The following TPR variants were observed in gnomAD, a reference collection of about 807,000 sequenced individuals.
The protein encoded by TPR is translocated promoter region, nuclear basket protein.
Under a neutral mutation model 316.1 loss-of-function variants are expected in TPR, and 51 were observed. The ratio of observed to expected loss-of-function variants is 0.16; its 90% CI spans 0.13 to 0.20. The LOEUF is 0.20. Among genes scored for constraint, TPR ranks in the 10% least tolerant of loss-of-function variants. TPR has a pLI of 1.00. For synonymous variants in TPR, 981 were observed against 914.7 expected (o/e 1.07, Z -1.31); for missense variants, 2,272 against 2,754.8 (o/e 0.82, Z 3.92).
At position 186,326,065 on chromosome 1, in the gene TPR, T is replaced by C. The variant is rs1320796361; in HGVS notation, c.6021+39A>G. 1.7e-5 allele frequency: 27 copies of C among 1,611,664 alleles called. No individual in the cohort carries two copies. In the Admixed American group the frequency reaches 3.3e-4, roughly 20 times the overall value. On this transcript the variant is annotated intron_variant, in intron 41 of 50. Coordinates refer to ENST00000367478, the MANE Select transcript of TPR (RefSeq NM_003292.3). ...AAAACAGCAAGTGAAAGAAAGCTCA[T>C]AGAAAGAACTATGAATGGTTAAAAT... is the stretch of plus-strand genomic sequence containing the variant.
At chr1:186,326,074 C>G (rs767006678) in intron 41 of TPR, 30 bp downstream of exon 41, 5 of 1,613,106 alleles carry the variant, frequency 3.1e-6, no homozygotes. Flanking sequence ...ATAGAAAGAA[C>G]TATGAATGGT....
At chr1:186,359,650 A>C in intron 12 of TPR, 149 bp downstream of exon 12, 1 of 727,056 alleles carries the variant, frequency 1.4e-6, no homozygotes, top group South Asian at 2.1e-5. Context: ...ACGTTTTGAG[A>C]TCAGCAGTGT....
chr1:186,346,499 G>A (rs1416885638), intron 22 of TPR, among the ~76,000 whole-genome samples: 1 of 152,018 alleles, frequency 6.6e-6, no homozygotes, highest in African/African-American at 2.4e-5. Context: ...TTGGCTACTG[G>A]CCATTTTTCT....
rs771631428 is a variant in TPR, at chr1:186,318,476, A to C, written c.6792T>G (p.Asp2264Glu). 1.2e-6 allele frequency: 2 copies of C among 1,612,548 alleles called. No individual in the cohort carries two copies. Among genetic ancestry groups the C allele is most frequent in the Non-Finnish European group, 1.7e-6 (2 of 1,179,608 alleles). The stretch of plus-strand genomic sequence containing the variant: ...CAGATTCTGCCTCCACAAATACTTC[A>C]TCTCCATCATCACCTGTTGCTGTTT... ...TNETATGDDG[D>E]EVFVEAESEG... The change falls in exon 48 of 51, where the codon GAT becomes GAG. Residue 2264 changes from aspartate to glutamate, a missense_variant. Asp to Glu is a conservative substitution (Grantham distance 45, BLOSUM62 2). Coordinates refer to ENST00000367478, the MANE Select transcript of TPR (RefSeq NM_003292.3).
Position 186,344,048 on chromosome 1 carries a change from T to C in TPR, c.3460A>G (p.Lys1154Glu), listed in dbSNP as rs1380206582. ...KCVCRCEDLEKQNRLLHDQIE... is the reference protein window; with the variant it reads ...KCVCRCEDLEEQNRLLHDQIE... ...TGATCATGAAGTAATCTGTTTTGTTTCTCCAGATCTTCACAGCGACATACA... is the reference window on the plus strand; with the variant it reads ...TGATCATGAAGTAATCTGTTTTGTTCCTCCAGATCTTCACAGCGACATACA... Residue 1154 changes from lysine (K) to glutamate (E), a missense_variant, in exon 26 of 51, where the codon AAA becomes GAA. Physicochemically the swap from Lys to Glu is moderately conservative, Grantham distance 56 (BLOSUM62 1). Around this residue, in one of 10 missense-constraint regions of TPR, gnomAD observed 757 missense variants for 859.8 expected, o/e 0.88. Transcript: ENST00000367478. 6.2e-7 allele frequency: 1 copy of C among 1,613,920 alleles called. No homozygotes were observed. The highest frequency in any genetic ancestry group is 8.5e-7 in the Non-Finnish European group (1 of 1,179,994).
At position 186,312,114 on chromosome 1, in the gene TPR, C is replaced by T. The variant is rs1326202257; in HGVS notation, c.*1857G>A. The stretch of plus-strand genomic sequence containing the variant: ...TATACATTGTAAAAGTTGTTTTCCA[C>T]CTTTTCTGAGGGTATTAAAATTAAT... On this transcript the variant is annotated 3_prime_UTR_variant, in exon 51 of 51. Coordinates refer to ENST00000367478, the MANE Select transcript of TPR (RefSeq NM_003292.3). The T allele has an allele frequency of 6.7e-7, 1 of 1,486,478 alleles. No homozygotes were observed. The highest frequency in any genetic ancestry group is 1.4e-5 in the African/African-American group (1 of 71,658). 92.1% of individuals were successfully genotyped at this position (1,486,478 alleles called of 1,614,324 possible).
At chr1:186,366,945 A>G (rs1659362761) in intron 4 of TPR, among the ~76,000 whole-genome samples, 1 of 151,730 alleles carries the variant, frequency 6.6e-6, no homozygotes, top group Non-Finnish European at 1.5e-5. Flanking sequence ...AGACTGGGAA[A>G]GTATACTTAA....
Position 186,374,987 on chromosome 1 carries a change from C to G in TPR, c.42G>C (p.Leu14=), listed in dbSNP as rs1659668567. Residue 14 remains leucine (L), a synonymous_variant, in exon 1 of 51, where the codon CTG becomes CTC. Coordinates refer to ENST00000367478, the MANE Select transcript of TPR (RefSeq NM_003292.3). ...VLQQVLERTE[L]NKLPKSVQNK... ...TCTGGACAGACTTGGGCAGCTTGTT[C>G]AGCTCCGTGCGCTCCAGGACTTGCT... 4.3e-6 allele frequency: 7 copies of G among 1,614,026 alleles called. No homozygotes were observed. Among genetic ancestry groups the G allele is most frequent in the Non-Finnish European group, 5.1e-6 (6 of 1,180,022 alleles).
intron 35 of TPR, 64 bp downstream of exon 35, chr1:186,335,004 G>T: frequency 2.0e-6 from 3 of 1,501,108 alleles, no homozygotes; most frequent in East Asian, 2.3e-5. Flanking sequence ...TAAACAGAAA[G>T]ATCACTAGAT....
At chr1:186,319,339 C>T (rs1657705600) in intron 46 of TPR, among the ~76,000 whole-genome samples, 1 of 152,134 alleles carries the variant, frequency 6.6e-6, no homozygotes, top group Non-Finnish European at 1.5e-5. Flanking sequence ...TCTAATGCTA[C>T]AGTACCCTTA....
At chr1:186,314,442 T>A (rs1260495579) in intron 50 of TPR, 187 bp downstream of exon 50, 1 of 432,588 alleles carries the variant, frequency 2.3e-6, no homozygotes, top group Non-Finnish European at 4.1e-6. Flanking sequence ...TTATTATATA[T>A]CTAAGGTATA....
intron 12 of TPR, among the ~76,000 whole-genome samples, chr1:186,359,567 A>T (rs1334938574): frequency 1.3e-5 from 2 of 152,022 alleles, no homozygotes; most frequent in Admixed American, 1.3e-4. Context: ...TAAATGCATT[A>T]AAAAAAGGTT....
At chr1:186,343,625 A>AT (rs1419807964) in intron 26 of TPR, 152 bp from the exon 27 acceptor site, 39 of 816,974 alleles carry the variant, frequency 4.8e-5, no homozygotes, top group Non-Finnish European at 5.9e-5. Context: ...ATGTATTTCT[A>AT]TTTTCTTTTA....
At chr1:186,359,692 T>C (rs1659124611) in intron 12 of TPR, 107 bp downstream of exon 12, 2 of 1,131,582 alleles carry the variant, frequency 1.8e-6, no homozygotes, top group Non-Finnish European at 1.2e-6. Context: ...TTATTGAAAA[T>C]CGTATTTAGA....
Position 186,333,146 on chromosome 1 carries a change from T to G in TPR, c.5431A>C (p.Thr1811Pro). ...CCTGTGCCAAATACTGCTGTGGAAG[T>G]AGAAGGCCGCTCAACTGGTGAACTC... ...VQSSPVERPS[T>P]STAVFGTVSA... The change falls in exon 37 of 51, where the codon ACT becomes CCT. Residue 1811 changes from threonine (T) to proline (P), a missense_variant. Transcript: ENST00000367478. 1 of 1,613,472 alleles carries G rather than the reference T, an allele frequency of 6.2e-7. No homozygotes were observed. Among genetic ancestry groups the G allele is most frequent in the South Asian group, 1.1e-5 (1 of 91,080 alleles).
At chr1:186,372,036 A>C (rs1051117844) in intron 2 of TPR, among the ~76,000 whole-genome samples, 3 of 152,236 alleles carry the variant, frequency 2.0e-5, no homozygotes, top group African/African-American at 7.2e-5. Flanking sequence ...CTACATAGAT[A>C]ATGAACCAGA....
chr1:186,322,554 T>C lies in TPR; in HGVS notation c.6330A>G (p.Gly2110=), dbSNP rs765918020. The change falls in exon 44 of 51, where the codon GGA becomes GGG. Residue 2110 remains glycine, a synonymous_variant. Coordinates refer to ENST00000367478, the MANE Select transcript of TPR (RefSeq NM_003292.3). ...RIQMTRRQSV[G]RGLQLTPGIG... is the part of the protein sequence containing the mutation. ...TTCCTGGAGTCAACTGAAGGCCACG[T>C]CCTACAGACTGCCTTCGGGTCATCT... The C allele has an allele frequency of 5.0e-6, 8 of 1,614,102 alleles. No homozygotes were observed. The South Asian group carries it at 8.8e-5, about 18-fold the overall frequency.
chr1:186,368,141 T>A (rs1659402188), intron 3 of TPR, among the ~76,000 whole-genome samples, 159 bp from the exon 4 acceptor site: 1 of 152,334 alleles, frequency 6.6e-6, no homozygotes, highest in East Asian at 1.9e-4. Flanking sequence ...AATTCCAATG[T>A]TTCTATTTAA....
rs769410009 is a variant in TPR at position 186,360,925 on chromosome 1, AC to A, written c.959-21del. The A allele has an allele frequency of 2.0e-4, 321 of 1,603,932 alleles. No homozygotes were observed. The highest frequency in any genetic ancestry group is 2.6e-4 in the Non-Finnish European group (304 of 1,175,948). Reference sequence around the variant, plus strand: ...TGTTGGCTAAAAAACAATTTTAAAGACCAAATATTCAAACATACAGTTAAAA... The same window carrying A: ...TGTTGGCTAAAAAACAATTTTAAAGACAAATATTCAAACATACAGTTAAAA... On this transcript the variant is annotated intron_variant, in intron 9 of 50. Transcript: ENST00000367478.
Sources: gnomAD v4.1 joint callset for allele counts (sites outside exome capture counted in the v4.1 genomes callset) on GRCh38, gnomAD v4.1.1 for gene constraint, gnomAD v4.1.1 regional missense constraint, MANE v1.5 for transcripts, NCBI Gene and HGNC (gene_info 2026-07-23, HGNC 2026-07-21) for gene names.